RNF170: variants seen among roughly 807,000 people sequenced by gnomAD.
RNF170 encodes the protein ring finger protein 170, also known as E3 ubiquitin-protein ligase RNF170.
In RNF170, 12 loss-of-function variants were observed where a neutral mutation model predicts 32.7. The ratio of observed to expected loss-of-function variants is 0.37; its 90% CI spans 0.24 to 0.60. The LOEUF (loss-of-function observed/expected upper bound fraction) is 0.60. RNF170 is among the 20% of genes least tolerant of loss of function. The pLI is 0.72. For synonymous variants in RNF170, 91 were observed against 103.6 expected, an observed-to-expected ratio of 0.88 and a Z score of 0.74; for missense variants, 212 against 311.2, an observed-to-expected ratio of 0.68 and a Z score of 2.40.
rs1438697625 is a variant in RNF170 at position 42,887,708 on chromosome 8, C to A, written c.137+20G>T. On this transcript the variant is annotated intron_variant, in intron 2 of 6. Coordinates refer to ENST00000527424, the MANE Select transcript of RNF170 (RefSeq NM_030954.4). ...GCAGCCCTTGCAAATCTACTCAATTCTTTTGTCCTTAAATCTCACCTGAAA... is the reference window on the plus strand; with the variant it reads ...GCAGCCCTTGCAAATCTACTCAATTATTTTGTCCTTAAATCTCACCTGAAA... 2.5e-6 allele frequency: 4 copies of A among 1,613,598 alleles called. No individual in the cohort carries two copies. Among genetic ancestry groups the A allele is most frequent in the Non-Finnish European group, 3.4e-6 (4 of 1,179,558 alleles).
Position 42,854,600 on chromosome 8 carries a change from C to G in RNF170, c.*1559G>C. On this transcript the variant is annotated 3_prime_UTR_variant, in exon 7 of 7. Transcript: ENST00000527424. ...GAAAAACACATATTGATATTTCATT[C>G]AGAATCTCATTAATTGGTAGCTGAT... 7.8e-7 allele frequency: 1 copy of G among 1,287,134 alleles called. No individual in the cohort carries two copies. Among genetic ancestry groups the G allele is most frequent in the Non-Finnish European group, 1.0e-6 (1 of 988,600 alleles). 79.7% of individuals were successfully genotyped at this position (1,287,134 alleles called of 1,614,324 possible). A position where few individuals can be genotyped will look rare whatever the true frequency, so the allele number is the denominator to read the frequency against.
chr8:42,868,766 C>T (rs1001488748), intron 4 of RNF170, among the ~76,000 whole-genome samples: 6 of 150,292 alleles, frequency 4.0e-5, no homozygotes, highest in African/African-American at 1.5e-4. Context: ...GCAGGAGAAT[C>T]GTTTGAACCT....
intron 1 of RNF170, among the ~76,000 whole-genome samples, chr8:42,894,274 G>T (rs1456761549): frequency 1.3e-5 from 2 of 152,184 alleles, no homozygotes. Flanking sequence ...TTGTGTCAAA[G>T]CCTTGAAAAC....
intron 2 of RNF170, among the ~76,000 whole-genome samples, chr8:42,878,514 C>T (rs2128942582): frequency 6.6e-6 from 1 of 152,302 alleles, no homozygotes; most frequent in East Asian, 1.9e-4. Context: ...AGAGCAAGTC[C>T]CTCCCTCTCT....
At chr8:42,878,431 A>G (rs1220886845) in intron 2 of RNF170, among the ~76,000 whole-genome samples, 1 of 152,238 alleles carries the variant, frequency 6.6e-6, no homozygotes, top group Admixed American at 6.5e-5. Flanking sequence ...TATTGCTGAC[A>G]TGGAGAAAGT....
intron 5 of RNF170, among the ~76,000 whole-genome samples, chr8:42,862,179 G>C (rs1803711747): frequency 6.6e-6 from 1 of 152,046 alleles, no homozygotes; most frequent in African/African-American, 2.4e-5. Context: ...ACATTCAGGA[G>C]GAAAGTGACA....
rs781152585 is a variant in RNF170, at chr8:42,854,756, G to C, written c.*1403C>G. 3 of 1,287,386 alleles carry C rather than the reference G, an allele frequency of 2.3e-6. No individual in the cohort carries two copies. The South Asian group carries it at 3.7e-5, about 16-fold the overall frequency. 79.7% of individuals were successfully genotyped at this position (1,287,386 alleles called of 1,614,324 possible). ...GATGACAATGCTAACACTGACTCCTGGGCATCCCCTCACATCCTGCTGTCA... is the reference window on the plus strand; with the variant it reads ...GATGACAATGCTAACACTGACTCCTCGGCATCCCCTCACATCCTGCTGTCA... On this transcript the variant is annotated 3_prime_UTR_variant, in exon 7 of 7. Coordinates refer to ENST00000527424, the MANE Select transcript of RNF170 (RefSeq NM_030954.4).
chr8:42,863,056 AGTG>A (rs1803778147), intron 5 of RNF170, among the ~76,000 whole-genome samples: 1 of 152,170 alleles, frequency 6.6e-6, no homozygotes, highest in Non-Finnish European at 1.5e-5. Context: ...CAAGGGGAGA[AGTG>A]GTGAATGTGT....
At chr8:42,859,795 C>T (rs1803520664) in intron 6 of RNF170, among the ~76,000 whole-genome samples, 1 of 152,130 alleles carries the variant, frequency 6.6e-6, no homozygotes, top group Non-Finnish European at 1.5e-5. Flanking sequence ...ACTACAGGTG[C>T]ACACCACCGT....
Position 42,855,910 on chromosome 8 carries a change from C to A in RNF170, c.*249G>T. 1 of 1,263,878 alleles carries A rather than the reference C, an allele frequency of 7.9e-7. No individual in the cohort carries two copies. 78.3% of individuals were successfully genotyped at this position (1,263,878 alleles called of 1,614,324 possible). On this transcript the variant is annotated 3_prime_UTR_variant, in exon 7 of 7. Transcript: ENST00000527424. ...TTTTTATATAATTCCATATTTTTTCCAGACAACATAGAATCAAGATACAAC... is the reference window on the plus strand; with the variant it reads ...TTTTTATATAATTCCATATTTTTTCAAGACAACATAGAATCAAGATACAAC...
intron 2 of RNF170, among the ~76,000 whole-genome samples, chr8:42,883,570 G>GAAAAAAAAA (rs34475440): frequency 2.3e-5 from 1 of 43,736 alleles, no homozygotes; most frequent in Non-Finnish European, 4.1e-5. Flanking sequence ...CTCTGTCTCA[G>GAAAAAAAAA]AAAAAAAAAA....
intron 1 of RNF170, among the ~76,000 whole-genome samples, chr8:42,895,839 G>T (rs1284915423): frequency 6.6e-6 from 1 of 152,238 alleles, no homozygotes; most frequent in Non-Finnish European, 1.5e-5. Flanking sequence ...GTAAGGAAAT[G>T]ATCACACTAG....
downstream of RNF170, chr8:42,850,228 T>C (rs1563648835): frequency 6.1e-6 from 1 of 163,710 alleles, no homozygotes; most frequent in Non-Finnish European, 1.3e-5. Flanking sequence ...AGAGAGGAAA[T>C]GAGCAACCAA....
At position 42,883,809 on chromosome 8, in the gene RNF170, A is replaced by C. The variant is rs565917962; in HGVS notation, c.137+3919T>G. On this transcript the variant is annotated intron_variant, in intron 2 of 6. Coordinates refer to ENST00000527424, the MANE Select transcript of RNF170 (RefSeq NM_030954.4). Reference sequence around the variant, plus strand: ...ACAAAACCAAAACAAAATTAATTATAATGACTAAAAATCATTAAATAAATT... The same window carrying C: ...ACAAAACCAAAACAAAATTAATTATCATGACTAAAAATCATTAAATAAATT... Among the ~76,000 whole-genome samples, 9 of 152,308 alleles carry C rather than the reference A, an allele frequency of 5.9e-5. No individual in the cohort carries two copies. The South Asian group carries it at 1.9e-3, about 32-fold the overall frequency.
At chr8:42,868,903 T>C (rs944586345) in intron 4 of RNF170, among the ~76,000 whole-genome samples, 3 of 151,970 alleles carry the variant, frequency 2.0e-5, no homozygotes, top group Admixed American at 6.6e-5. Context: ...GGGCTACTCT[T>C]TGTAAAATGT....
intron 5 of RNF170, 92 bp from the exon 6 acceptor site, chr8:42,861,947 T>G: frequency 7.5e-7 from 1 of 1,326,510 alleles, no homozygotes; most frequent in Non-Finnish European, 1.0e-6. Context: ...GATAAAGGCT[T>G]CTATATTTAT....
At chr8:42,891,418 A>G (rs1273273703) in intron 1 of RNF170, among the ~76,000 whole-genome samples, 1 of 152,124 alleles carries the variant, frequency 6.6e-6, no homozygotes. Flanking sequence ...GATTTTTATT[A>G]CAGATTAACT....
upstream of RNF170, chr8:42,897,125 G>T: frequency 8.0e-7 from 1 of 1,245,646 alleles, no homozygotes. Context: ...TGGCCGCGGC[G>T]GGGAAGATGT....
rs185598047 is a variant in RNF170 at position 42,869,195 on chromosome 8, C to G, written c.322+809G>C. The stretch of plus-strand genomic sequence containing the variant: ...AAAGTGCTGAGATTACAGGCGTGAG[C>G]CACAGCGCCTGGCCTCTTTGTAAAA... On this transcript the variant is annotated intron_variant, in intron 4 of 6. Coordinates refer to ENST00000527424, the MANE Select transcript of RNF170 (RefSeq NM_030954.4). 3.9e-5 allele frequency among the ~76,000 whole-genome samples: 6 copies of G among 152,316 alleles called. No individual in the cohort carries two copies. The East Asian group carries it at 1.2e-3, about 29-fold the overall frequency.
Sources: gnomAD v4.1 joint callset for allele counts (sites outside exome capture counted in the v4.1 genomes callset) on GRCh38, gnomAD v4.1.1 for gene constraint, MANE v1.5 for transcripts, NCBI Gene and HGNC (gene_info 2026-07-23, HGNC 2026-07-21) for gene names.